ITIH5: variants seen among roughly 807,000 people sequenced by gnomAD.
The protein encoded by ITIH5 is inter-alpha-trypsin inhibitor heavy chain H5.
A neutral mutation model predicts 77.5 loss-of-function variants in ITIH5; 65 were observed. The observed-to-expected ratio is 0.84, with a 90% confidence interval of 0.69 to 1.03. The LOEUF (loss-of-function observed/expected upper bound fraction) is 1.03, where lower values mean the gene tolerates loss of function less well. Among genes scored for constraint, ITIH5 ranks in the 50% least tolerant of loss-of-function variants. The pLI is 0.00. For missense variants in ITIH5, 1,208 were observed against 1,213.1 expected (o/e 1.00, Z 0.06); for synonymous variants, 525 against 494.3 (o/e 1.06, Z -0.82).
In ITIH5 at chr10:7,635,587, A is replaced by G. The variant is rs78297480; in HGVS notation, c.652+1641T>C. ...GCTCATTGTTTGGAGTCAACACATA[A>G]CAAAGGACTTGAGTCCAACACATAA... On this transcript the variant is annotated intron_variant, in intron 5 of 13. Transcript: ENST00000397146. 9.7e-4 allele frequency among the ~76,000 whole-genome samples: 148 copies of G among 152,304 alleles called. 2 individuals carry two copies. The East Asian group carries it at 0.022, about 22-fold the overall frequency.
chr10:7,596,007 A>C (rs7071285), intron 7 of ITIH5, among the ~76,000 whole-genome samples: 22,835 of 152,240 alleles, frequency 0.15, 1,910 homozygotes, highest in South Asian at 0.23. Flanking sequence ...GACTCCGTCT[A>C]AATTAATAAA....
intron 7 of ITIH5, among the ~76,000 whole-genome samples, chr10:7,605,554 A>C: frequency 1.3e-5 from 2 of 150,398 alleles, no homozygotes; most frequent in Non-Finnish European, 1.5e-5. Flanking sequence ...AACAGCCTAT[A>C]ACCCATAATT....
chr10:7,628,829 G>GTGTGTCCATGTTGTAGCA (rs1833640593), intron 5 of ITIH5, among the ~76,000 whole-genome samples: 3 of 104,126 alleles, frequency 2.9e-5, no homozygotes, highest in Admixed American at 8.5e-5. Flanking sequence ...ATGTTGTAGC[G>GTGTGTCCATGTTGTAGCA]TGTGTCCCTG....
chr10:7,579,664 G>T, intron 9 of ITIH5, 91 bp downstream of exon 9: 1 of 1,288,574 alleles, frequency 7.8e-7, no homozygotes, highest in South Asian at 1.3e-5. Flanking sequence ...CAAGGCTGGG[G>T]TGCAGCAACA....
intron 2 of ITIH5, among the ~76,000 whole-genome samples, chr10:7,649,980 T>C (rs1263640566): frequency 1.3e-5 from 2 of 152,182 alleles, no homozygotes; most frequent in Admixed American, 1.3e-4. Context: ...CGCTGGAAAA[T>C]AGTGGTAAAA....
chr10:7,613,418 A>C (rs1268509680), intron 7 of ITIH5, among the ~76,000 whole-genome samples: 1 of 152,226 alleles, frequency 6.6e-6, no homozygotes, highest in Non-Finnish European at 1.5e-5. Context: ...AAACTTTGGG[A>C]AACCTACAAG....
intron 10 of ITIH5, among the ~76,000 whole-genome samples, chr10:7,575,739 C>G (rs1424500997): frequency 1.3e-5 from 2 of 152,100 alleles, no homozygotes; most frequent in Non-Finnish European, 2.9e-5. Flanking sequence ...AAATCAAGCA[C>G]ACAATTAAAT....
At chr10:7,622,299 G>A (rs1275290997) in intron 5 of ITIH5, 1 of 152,310 alleles carries the variant, frequency 6.6e-6, no homozygotes, top group Non-Finnish European at 1.5e-5. Flanking sequence ...GTTCTAGAGT[G>A]TGACTGAATC....
rs1832149158 is a variant in ITIH5, at chr10:7,566,077, T to C, written c.2480A>G (p.Tyr827Cys). 5 of 1,614,036 alleles carry C rather than the reference T, an allele frequency of 3.1e-6. No homozygotes were observed. The highest frequency in any genetic ancestry group is 1.1e-5 in the South Asian group (1 of 91,086). The change falls in exon 13 of 14, where the codon TAC becomes TGC. Residue 827 changes from tyrosine to cysteine, a missense_variant. By Grantham distance (194) the Tyr-to-Cys change is radical (BLOSUM62 -2). Transcript: ENST00000397146. ...GGAAAGGCCCTCGCTGTTGGCAATG[T>C]AGAAACCCAGGTGGTGTCGCTGGAA... ...APFQRHHLGF[Y>C]IANSEGLSSN...
intron 12 of ITIH5, among the ~76,000 whole-genome samples, chr10:7,568,984 T>C (rs540225916): frequency 8.6e-5 from 13 of 151,118 alleles, no homozygotes; most frequent in African/African-American, 3.2e-4. Flanking sequence ...TAATATATTG[T>C]GGTTTTCTTT....
intron 2 of ITIH5, among the ~76,000 whole-genome samples, chr10:7,649,199 A>C (rs957633837): frequency 1.4e-5 from 2 of 142,864 alleles, no homozygotes; most frequent in East Asian, 2.2e-4. Flanking sequence ...CCTTCTTTTC[A>C]TTCTCCTTCT....
intron 2 of ITIH5, among the ~76,000 whole-genome samples, chr10:7,645,625 G>A (rs547942249): frequency 2.6e-4 from 39 of 152,230 alleles, no homozygotes; most frequent in African/African-American, 8.4e-4. Context: ...ACAGATTTAC[G>A]GCAAAGCTAA....
In ITIH5 at chr10:7,568,466, A is replaced by G. The variant is rs187295073; in HGVS notation, c.2149+1202T>C. 2.7e-3 allele frequency among the ~76,000 whole-genome samples: 410 copies of G among 152,334 alleles called. 1 individual carries two copies. Among genetic ancestry groups the G allele is most frequent in the South Asian group, 0.013 (64 of 4,828 alleles). ...GGGAACTGCTCCCAGAATAGGAGGT[A>G]TTTCCAAGGACATATACAGTTAGGC... On this transcript the variant is annotated intron_variant, in intron 12 of 13. Coordinates refer to ENST00000397146, the MANE Select transcript of ITIH5 (RefSeq NM_030569.7).
At chr10:7,645,775 A>G (rs1259532629) in intron 2 of ITIH5, among the ~76,000 whole-genome samples, 1 of 152,240 alleles carries the variant, frequency 6.6e-6, no homozygotes, top group East Asian at 1.9e-4. Context: ...ATTAAAAAAG[A>G]GACTCCAACA....
intron 1 of ITIH5, among the ~76,000 whole-genome samples, chr10:7,658,441 G>C (rs1215573768): frequency 6.6e-6 from 1 of 152,148 alleles, no homozygotes; most frequent in Admixed American, 6.5e-5. Flanking sequence ...AGAACCTATT[G>C]ATGAAAGAGT....
intron 1 of ITIH5, among the ~76,000 whole-genome samples, chr10:7,660,922 G>A (rs1472858758): frequency 6.6e-6 from 1 of 152,176 alleles, no homozygotes; most frequent in Non-Finnish European, 1.5e-5. Flanking sequence ...TGTCTCCATC[G>A]CCGGGGCGTG....
At chr10:7,581,078 G>C (rs962653722) in intron 8 of ITIH5, among the ~76,000 whole-genome samples, 2 of 151,972 alleles carry the variant, frequency 1.3e-5, no homozygotes, top group Non-Finnish European at 2.9e-5. Context: ...TCGCTAACAT[G>C]GCAAAACCCT....
At chr10:7,646,126 T>A (rs988258441) in intron 2 of ITIH5, among the ~76,000 whole-genome samples, 2 of 152,212 alleles carry the variant, frequency 1.3e-5, no homozygotes, top group African/African-American at 4.8e-5. Context: ...TCTTGTGAAT[T>A]TGCGAAGCAT....
intron 2 of ITIH5, among the ~76,000 whole-genome samples, chr10:7,649,214 CTCT>C (rs1485078651): frequency 4.4e-5 from 5 of 112,870 alleles, no homozygotes; most frequent in South Asian, 6.3e-4. Context: ...CCTTCTTCTC[CTCT>C]TTCTTCTTTC....
Sources: gnomAD v4.1 joint callset for allele counts (sites outside exome capture counted in the v4.1 genomes callset) on GRCh38, gnomAD v4.1.1 for gene constraint, MANE v1.5 for transcripts, NCBI Gene and HGNC (gene_info 2026-07-23, HGNC 2026-07-21) for gene names.